The following RSF1 variants were observed in gnomAD, a reference collection of about 807,000 sequenced individuals.
The protein encoded by RSF1 is remodeling and spacing factor 1.
Under a neutral mutation model 145.2 loss-of-function variants are expected in RSF1, and 13 were observed. The observed-to-expected ratio is 0.09, with a 90% CI of 0.06 to 0.14. The LOEUF (loss-of-function observed/expected upper bound fraction) is 0.14. Among genes scored for constraint, RSF1 ranks in the 10% least tolerant of loss-of-function variants. The pLI is 1.00. For synonymous variants in RSF1, 577 were observed against 592.6 expected (o/e 0.97, Z 0.38); for missense variants, 1,517 against 1,718.2 (o/e 0.88, Z 2.07).
intron 1 of RSF1, among the ~76,000 whole-genome samples, chr11:77,788,566 G>A (rs1306880135): frequency 1.3e-5 from 2 of 148,200 alleles, no homozygotes; most frequent in South Asian, 2.1e-4. Flanking sequence ...ATGATACAGA[G>A]GAAAAAAAAC....
At chr11:77,862,216 T>G in the RSF1 span, among the ~76,000 whole-genome samples, 1 of 152,202 alleles carries the variant, frequency 6.6e-6, no homozygotes, top group Non-Finnish European at 1.5e-5. Context: ...TTCTCATTCC[T>G]CTGTTGTCAT....
At chr11:77,842,567 A>G in the RSF1 span, 4 of 1,614,094 alleles carry the variant, frequency 2.5e-6, no homozygotes, top group Non-Finnish European at 3.4e-6. Flanking sequence ...ACAACCTATA[A>G]GGACTGCAAA....
intron 5 of RSF1, among the ~76,000 whole-genome samples, chr11:77,724,737 G>A (rs1961012899): frequency 6.6e-6 from 1 of 152,202 alleles, no homozygotes; most frequent in Non-Finnish European, 1.5e-5. Context: ...TAGATCCCTT[G>A]CATAAGTGGT....
chr11:77,858,302 C>CTT, the RSF1 span, among the ~76,000 whole-genome samples: 378 of 69,356 alleles, frequency 5.5e-3, 6 homozygotes, highest in East Asian at 0.02. Context: ...TTAAGCAATT[C>CTT]TTTTTTTTTT....
rs539675725 is a variant in RSF1, at chr11:77,807,546, C to T, written c.187+12982G>A. On this transcript the variant is annotated intron_variant, in intron 1 of 15. Transcript: ENST00000308488. The stretch of plus-strand genomic sequence containing the variant: ...CACACCATGCAAAGTAAACAAAAGA[C>T]CATGCAAAGTAAACGAAAGACAGAT... Among the ~76,000 whole-genome samples the T allele has an allele frequency of 2.2e-3, 339 of 152,238 alleles. 2 individuals carry two copies. The highest frequency in any genetic ancestry group is 8.0e-3 in the African/African-American group (331 of 41,542).
chr11:77,787,061 G>C (rs1948463773), intron 1 of RSF1, among the ~76,000 whole-genome samples: 1 of 152,204 alleles, frequency 6.6e-6, no homozygotes, highest in Non-Finnish European at 1.5e-5. Flanking sequence ...GAGAGCTGCA[G>C]AGAGTACTCT....
chr11:77,753,248 T>C (rs373821021), intron 2 of RSF1, among the ~76,000 whole-genome samples: 1 of 152,342 alleles, frequency 6.6e-6, no homozygotes, highest in East Asian at 1.9e-4. Context: ...GACCTCTTTC[T>C]GGTAACAAAA....
At chr11:77,714,186 T>A (rs370916714) in intron 5 of RSF1, among the ~76,000 whole-genome samples, 16 of 152,322 alleles carry the variant, frequency 1.1e-4, no homozygotes, top group African/African-American at 3.8e-4. Flanking sequence ...GCCCAGCAGT[T>A]TCACATCAGC....
At chr11:77,833,009 ATTTT>A in the RSF1 span, among the ~76,000 whole-genome samples, 13 of 60,022 alleles carry the variant, frequency 2.2e-4, 1 homozygote, top group African/African-American at 8.4e-4. Context: ...ATATATATAT[ATTTT>A]TTTTTTTTTT....
chr11:77,796,803 C>T (rs1400422975), intron 1 of RSF1, among the ~76,000 whole-genome samples: 11 of 152,190 alleles, frequency 7.2e-5, no homozygotes, highest in Admixed American at 2.6e-4. Flanking sequence ...TAAGCAACTT[C>T]GACAAAGTCT....
rs1959567448 is a variant in RSF1 at position 77,672,028 on chromosome 11, G to C, written c.3751+14C>G. 1.9e-6 allele frequency: 3 copies of C among 1,601,104 alleles called. No homozygotes were observed. In the African/African-American group the frequency reaches 4.1e-5, roughly 22 times the overall value. On this transcript the variant is annotated intron_variant, in intron 15 of 15. Coordinates refer to ENST00000308488, the MANE Select transcript of RSF1 (RefSeq NM_016578.4). The stretch of plus-strand genomic sequence containing the variant: ...CCTGTCCAAACTTCTATATATAGGA[G>C]ACCTATGCCTTACCTTCACTCTCTG...
At chr11:77,762,027 C>CTTTTCT (rs1948178767) in intron 2 of RSF1, 3 of 58,744 alleles carry the variant, frequency 5.1e-5, no homozygotes, top group African/African-American at 2.3e-4. Flanking sequence ...CTTTTCTTTT[C>CTTTTCT]TTTTTTTTTT....
intron 5 of RSF1, among the ~76,000 whole-genome samples, chr11:77,725,142 T>C (rs1488753359): frequency 6.6e-6 from 1 of 152,084 alleles, no homozygotes; most frequent in Admixed American, 6.6e-5. Flanking sequence ...TCAAAAAAGT[T>C]CTGGAGATGG....
chr11:77,809,885 T>C (rs899324918), intron 1 of RSF1, among the ~76,000 whole-genome samples: 1 of 152,210 alleles, frequency 6.6e-6, no homozygotes, highest in East Asian at 1.9e-4. Flanking sequence ...ATCTAAACAT[T>C]GAAGAAGTGG....
At chr11:77,809,073 G>A (rs1281206369) in intron 1 of RSF1, among the ~76,000 whole-genome samples, 1 of 152,168 alleles carries the variant, frequency 6.6e-6, no homozygotes, top group African/African-American at 2.4e-5. Flanking sequence ...GACTTACCCA[G>A]TTTTAAATTC....
rs1449375450 is a variant in RSF1, at chr11:77,665,066, A to C, written c.*1851T>G. On this transcript the variant is annotated 3_prime_UTR_variant, in exon 16 of 16. Transcript: ENST00000308488. ...TACAGAACTAAAGTGAAACAAAACA[A>C]AACAACGAACAACTGAAAAACAATA... The C allele has an allele frequency of 6.6e-6, 1 of 152,202 alleles. No homozygotes were observed. Among genetic ancestry groups the C allele is most frequent in the Non-Finnish European group, 1.5e-5 (1 of 68,040 alleles). The allele number at this position is 152,202 out of a possible 1,614,324, so 9.4% of individuals were successfully genotyped here.
chr11:77,832,066 T>C, the RSF1 span: 1 of 151,840 alleles, frequency 6.6e-6, no homozygotes, highest in Non-Finnish European at 1.5e-5. Context: ...GACAAACATC[T>C]TGTGACTTCA....
At chr11:77,778,768 G>A (rs527425618) in intron 1 of RSF1, among the ~76,000 whole-genome samples, 5 of 152,296 alleles carry the variant, frequency 3.3e-5, no homozygotes, top group South Asian at 2.1e-4. Context: ...TTCTTGAAAC[G>A]TGGACATTCT....
intron 4 of RSF1, among the ~76,000 whole-genome samples, chr11:77,731,931 CCA>C (rs1031504560): frequency 6.6e-6 from 1 of 152,218 alleles, no homozygotes; most frequent in African/African-American, 2.4e-5. Context: ...GGGATCAGAG[CCA>C]CACAGAGTCC....
Sources: allele counts gnomAD v4.1 joint callset (sites outside exome capture counted in the v4.1 genomes callset), GRCh38; gene constraint gnomAD v4.1.1; transcripts MANE v1.5; gene names NCBI Gene and HGNC (gene_info 2026-07-23, HGNC 2026-07-21).